Variants in CTNNA2 observed in about 807,000 individuals in gnomAD.
The protein encoded by CTNNA2 is catenin alpha-2.
CTNNA2 carries 42 observed loss-of-function variants against 101.0 expected under a neutral mutation model. The ratio of observed to expected loss-of-function variants is 0.42; its 90% confidence interval spans 0.32 to 0.54. CTNNA2 has a LOEUF of 0.54. CTNNA2 is among the 20% of genes least tolerant of loss of function. CTNNA2 has a pLI of 0.14. For synonymous variants in CTNNA2, 450 were observed against 456.4 expected (o/e 0.99, Z 0.18); for missense variants, 871 against 1,223.1 (o/e 0.71, Z 4.29).
intron 7 of CTNNA2, among the ~76,000 whole-genome samples, chr2:80,178,316 T>A (rs1705529962): frequency 6.6e-6 from 1 of 152,218 alleles, no homozygotes; most frequent in Admixed American, 6.5e-5. Flanking sequence ...TGATAGGCAG[T>A]TCAGGTCACA....
chr2:79,381,972 A>G (rs922105658), intron 4 of CTNNA2, among the ~76,000 whole-genome samples: 2 of 152,240 alleles, frequency 1.3e-5, no homozygotes, highest in African/African-American at 4.8e-5. Flanking sequence ...ATACTTAGAT[A>G]GCTGATAAAA....
At chr2:79,206,426 G>C (rs1290742068) in intron 2 of CTNNA2, among the ~76,000 whole-genome samples, 1 of 152,154 alleles carries the variant, frequency 6.6e-6, no homozygotes. Flanking sequence ...CCAGTCCTCA[G>C]CGACATTGGG....
intron 2 of CTNNA2, among the ~76,000 whole-genome samples, chr2:79,245,706 T>A (rs1674691067): frequency 6.6e-6 from 1 of 152,238 alleles, no homozygotes; most frequent in South Asian, 2.1e-4. Flanking sequence ...GAGAGGATCA[T>A]GAAAATAACC....
intron 2 of CTNNA2, among the ~76,000 whole-genome samples, chr2:79,672,750 C>A (rs1295494810): frequency 6.7e-6 from 1 of 149,412 alleles, no homozygotes; most frequent in Non-Finnish European, 1.5e-5. Context: ...CTCTTACTGC[C>A]CAGGCTGGAA....
chr2:80,368,576 T>G (rs182915345), intron 7 of CTNNA2, among the ~76,000 whole-genome samples: 1 of 152,198 alleles, frequency 6.6e-6, no homozygotes, highest in Admixed American at 6.6e-5. Flanking sequence ...CAAAGGCCTG[T>G]GAAAAGTATC....
chr2:80,562,567 A>G (rs146180013), intron 12 of CTNNA2, among the ~76,000 whole-genome samples: 5 of 152,324 alleles, frequency 3.3e-5, no homozygotes, highest in East Asian at 1.9e-4. Context: ...CATATTTAAC[A>G]TTTGGAAAGC....
chr2:79,672,237 G>A (rs751466626), intron 2 of CTNNA2, among the ~76,000 whole-genome samples: 3 of 152,088 alleles, frequency 2.0e-5, no homozygotes, highest in East Asian at 1.9e-4. Context: ...ATTTTCAGCC[G>A]TTATTTAATA....
intron 3 of CTNNA2, among the ~76,000 whole-genome samples, chr2:79,855,258 G>A (rs1051947587): frequency 2.6e-5 from 4 of 151,496 alleles, no homozygotes; most frequent in Admixed American, 6.6e-5. Context: ...TCCCTCTCAC[G>A]GACATCTGCT....
chr2:80,263,824 C>A lies in CTNNA2; in HGVS notation c.1057-129387C>A, dbSNP rs145319704. ...GTCTAACACTTGAATATTGGTTCCA[C>A]TGTTCCACTGAAACATTTTTTACAG... On this transcript the variant is annotated intron_variant, in intron 7 of 18. Coordinates refer to ENST00000402739, the MANE Select transcript of CTNNA2 (RefSeq NM_001282597.3). Among the ~76,000 whole-genome samples, 43 of 152,338 alleles carry A rather than the reference C, an allele frequency of 2.8e-4. No homozygotes were observed. The East Asian group carries it at 7.5e-3, about 27-fold the overall frequency.
chr2:79,472,967 C>A (rs1671015286), intron 4 of CTNNA2, among the ~76,000 whole-genome samples: 1 of 152,192 alleles, frequency 6.6e-6, no homozygotes, highest in South Asian at 2.1e-4. Flanking sequence ...CAGAATTCTG[C>A]CAAATTCTTT....
At chr2:80,416,846 C>A (rs1266916736) in intron 8 of CTNNA2, among the ~76,000 whole-genome samples, 2 of 151,934 alleles carry the variant, frequency 1.3e-5, no homozygotes, top group African/African-American at 4.8e-5. Context: ...GTCTTATACC[C>A]TTGAAAGTCA....
In CTNNA2 at chr2:79,861,394, A is replaced by G. The variant is rs138101001; in HGVS notation, c.465+3215A>G. Among the ~76,000 whole-genome samples, 472 of 152,294 alleles carry G rather than the reference A, an allele frequency of 3.1e-3. 5 individuals carry two copies. The highest frequency in any genetic ancestry group is 0.011 in the African/African-American group (443 of 41,566). On this transcript the variant is annotated intron_variant, in intron 4 of 18. Transcript: ENST00000402739. ...CAGCAACTTATATTCATGTTTTTTC[A>G]TCAGCAGTTCGCCAGGTTGATGAAG...
intron 7 of CTNNA2, among the ~76,000 whole-genome samples, chr2:80,156,463 G>T (rs1166211812): frequency 6.6e-6 from 1 of 152,178 alleles, no homozygotes; most frequent in African/African-American, 2.4e-5. Flanking sequence ...GATTTCTAAG[G>T]TTCACTTTCC....
At chr2:79,381,096 C>T (rs149375280) in intron 4 of CTNNA2, among the ~76,000 whole-genome samples, 8 of 152,260 alleles carry the variant, frequency 5.3e-5, no homozygotes, top group African/African-American at 1.9e-4. Flanking sequence ...TAACAATAAA[C>T]ATTTGGCTTT....
chr2:79,413,934 CATATATATATATAT>C (rs70940033), intron 4 of CTNNA2, among the ~76,000 whole-genome samples: 1,537 of 140,280 alleles, frequency 0.011, 33 homozygotes, highest in African/African-American at 0.032. Context: ...GAGCTGAATT[CATATATATATATAT>C]ATATATATAT....
rs565313130 is a variant in CTNNA2 at position 80,454,292 on chromosome 2, G to A, written c.1290+34691G>A. Among the ~76,000 whole-genome samples the A allele has an allele frequency of 2.6e-5, 4 of 152,266 alleles. No individual in the cohort carries two copies. In the South Asian group the frequency reaches 8.3e-4, roughly 32 times the overall value. ...ATAGATTTTTGTCTCATTGCAGGAA[G>A]AGCTTTCCTTTAAAGGGAAAATATG... On this transcript the variant is annotated intron_variant, in intron 9 of 18. Transcript: ENST00000402739.
chr2:79,712,866 T>C (rs1008659122), intron 2 of CTNNA2, among the ~76,000 whole-genome samples: 2 of 152,220 alleles, frequency 1.3e-5, no homozygotes, highest in Admixed American at 1.3e-4. Flanking sequence ...TAAGATCTAA[T>C]GGATAAATTA....
intron 2 of CTNNA2, among the ~76,000 whole-genome samples, chr2:79,672,412 C>CCAATTAT (rs1225094099): frequency 6.6e-5 from 10 of 152,000 alleles, no homozygotes; most frequent in African/African-American, 2.4e-4. Context: ...ATAGAAATGT[C>CCAATTAT]CAATTATTCC....
At chr2:80,450,797 C>T (rs1166485298) in intron 9 of CTNNA2, among the ~76,000 whole-genome samples, 1 of 152,036 alleles carries the variant, frequency 6.6e-6, no homozygotes, top group Non-Finnish European at 1.5e-5. Context: ...CTGTATTAGT[C>T]TATGGTTTAT....
Sources: allele counts gnomAD v4.1 joint callset (sites outside exome capture counted in the v4.1 genomes callset), GRCh38; gene constraint gnomAD v4.1.1; transcripts MANE v1.5; gene names NCBI Gene and HGNC (gene_info 2026-07-23, HGNC 2026-07-21).